Variants in DIP2A observed in about 807,000 individuals in gnomAD.
The protein encoded by DIP2A is DIP2 acetate--CoA ligase A, also known as disco-interacting protein 2 homolog A.
In DIP2A, 85 loss-of-function variants were observed where a neutral mutation model predicts 177.4. The observed-to-expected ratio is 0.48, with a 90% confidence interval of 0.40 to 0.57. The LOEUF is 0.57. Ranked by LOEUF, DIP2A falls within the 20% of genes least tolerant of loss-of-function variation. The pLI, the probability that DIP2A is intolerant of heterozygous loss-of-function variation, is 0.00. For missense variants in DIP2A, 1,791 were observed against 2,100.2 expected (o/e 0.85, Z 2.88); for synonymous variants, 886 against 881.8 (o/e 1.00, Z -0.08).
rs1601837873 is a variant in DIP2A, at chr21:46,557,408, G to T, written c.3630-177G>T. ...GAGCAGAGCTCAGAACCCCGTGCCT[G>T]CCATCCCCCAACCTTCACCCTGTGG... On this transcript the variant is annotated intron_variant, in intron 30 of 37. Transcript: ENST00000417564. The surrounding 1 kb of genome is among the most constrained non-coding windows in gnomAD (Gnocchi z 6.0). 1 of 804,154 alleles carries T rather than the reference G, an allele frequency of 1.2e-6. No homozygotes were observed. The highest frequency in any genetic ancestry group is 2.7e-5 in the East Asian group (1 of 36,968). 49.8% of individuals were successfully genotyped at this position (804,154 alleles called of 1,614,324 possible). A position where few individuals can be genotyped will look rare whatever the true frequency, so the allele number is the denominator to read the frequency against.
intron 2 of DIP2A, among the ~76,000 whole-genome samples, chr21:46,488,917 G>A (rs545463816): frequency 1.1e-4 from 17 of 152,316 alleles, no homozygotes; most frequent in African/African-American, 3.6e-4. Context: ...AAGGAAGTCC[G>A]TCTGTGTATA....
Position 46,537,030 on chromosome 21 carries a change from T to G in DIP2A, c.1643-194T>G, listed in dbSNP as rs566163342. On this transcript the variant is annotated intron_variant, in intron 13 of 37. Transcript: ENST00000417564. This position sits in a 1 kb window ranked among gnomAD's most constrained non-coding sequence, Gnocchi z 4.1. ...TCTCTGTGTTAGTTCCATGACCTTCTACTTTTATGTGTTTCCAGTAATTTG... is the reference window on the plus strand; with the variant it reads ...TCTCTGTGTTAGTTCCATGACCTTCGACTTTTATGTGTTTCCAGTAATTTG... Among the ~76,000 whole-genome samples, 2 of 152,360 alleles carry G rather than the reference T, an allele frequency of 1.3e-5. No homozygotes were observed. The highest frequency in any genetic ancestry group is 3.9e-4 in the East Asian group (2 of 5,192).
chr21:46,556,927 TTTACTC>T lies in DIP2A; in HGVS notation c.3499-8_3499-3del. 1 of 1,532,494 alleles carries T rather than the reference TTTACTC, an allele frequency of 6.5e-7. No individual in the cohort carries two copies. Among genetic ancestry groups the T allele is most frequent in the Non-Finnish European group, 8.8e-7 (1 of 1,135,280 alleles). 94.9% of individuals were successfully genotyped at this position (1,532,494 alleles called of 1,614,324 possible). Reference sequence around the variant, plus strand: ...TTCACTTTTTTTTTTTGAACTTTATTTTACTCTTAAGATGTCGCACGCGGCCACAAG... The same window carrying T: ...TTCACTTTTTTTTTTTGAACTTTATTTTAAGATGTCGCACGCGGCCACAAG... On this transcript the variant is annotated splice_region_variant and splice_polypyrimidine_tract_variant and intron_variant, in intron 29 of 37. Coordinates refer to ENST00000417564, the MANE Select transcript of DIP2A (RefSeq NM_015151.4). This position sits in a 1 kb window ranked among gnomAD's most constrained non-coding sequence, Gnocchi z 4.5.
downstream of DIP2A, among the ~76,000 whole-genome samples, chr21:46,570,665 T>C (rs1283624042): frequency 6.6e-6 from 1 of 152,250 alleles, no homozygotes; most frequent in African/African-American, 2.4e-5. Context: ...AAAGTGGTTC[T>C]ACTGGAATGA....
intron 1 of DIP2A, among the ~76,000 whole-genome samples, chr21:46,459,510 C>A (rs1190212919): frequency 2.4e-5 from 3 of 122,972 alleles, no homozygotes; most frequent in Non-Finnish European, 5.4e-5. Flanking sequence ...CGGCCCCTTA[C>A]CCCCGGGAAC....
rs989675967 is a variant in DIP2A, at chr21:46,459,094, C to G, written c.-38C>G. 4.2e-6 allele frequency: 6 copies of G among 1,423,502 alleles called. No individual in the cohort carries two copies. In the South Asian group the frequency reaches 7.4e-5, roughly 18 times the overall value. The allele number at this position is 1,423,502 out of a possible 1,614,324, so 88.2% of individuals were successfully genotyped here. On this transcript the variant is annotated 5_prime_UTR_variant, in exon 1 of 38. Coordinates refer to ENST00000417564, the MANE Select transcript of DIP2A (RefSeq NM_015151.4). ...TGCGCTGCCGCCGCCAGGCCCGGTC[C>G]GGTTCCAGCCTCTGCCCGGACGCTA... is the stretch of plus-strand genomic sequence containing the variant.
Position 46,563,923 on chromosome 21 carries a change from C to T in DIP2A, c.4155C>T (p.His1385=), listed in dbSNP as rs751313028. ...CCAAAGGACCCTTGGGAGACTCACA[C>T]CTGGGAGAGGTGAGCAGGGGCCCAT... ...TETKGPLGDS[H]LGEIWVSSPH... Residue 1385 remains histidine (H), a synonymous_variant, in exon 35 of 38, where the codon CAC becomes CAT. Transcript: ENST00000417564. This position sits in a 1 kb window ranked among gnomAD's most constrained non-coding sequence, Gnocchi z 4.3. 6.2e-7 allele frequency: 1 copy of T among 1,613,528 alleles called. No homozygotes were observed. The highest frequency in any genetic ancestry group is 8.5e-7 in the Non-Finnish European group (1 of 1,179,788).
chr21:46,471,093 T>C (rs2148323696), intron 1 of DIP2A, among the ~76,000 whole-genome samples: 1 of 152,314 alleles, frequency 6.6e-6, no homozygotes, highest in South Asian at 2.1e-4. Context: ...TGGAGTGCAG[T>C]AGCACTATCA....
In DIP2A at chr21:46,551,619, T is replaced by G; in HGVS notation, c.2840-15T>G. ...GAAGTCACCAGCTTTTCATTCAGAG[T>G]TCCCCCGTTTCTAGAGGTTGGACCA... On this transcript the variant is annotated splice_polypyrimidine_tract_variant and intron_variant, in intron 23 of 37. Coordinates refer to ENST00000417564, the MANE Select transcript of DIP2A (RefSeq NM_015151.4). The G allele has an allele frequency of 6.2e-7, 1 of 1,609,400 alleles. No individual in the cohort carries two copies. Among genetic ancestry groups the G allele is most frequent in the Non-Finnish European group, 8.5e-7 (1 of 1,176,402 alleles).
intron 5 of DIP2A, among the ~76,000 whole-genome samples, chr21:46,501,476 G>C (rs1427222444): frequency 6.6e-6 from 1 of 151,916 alleles, no homozygotes; most frequent in East Asian, 1.9e-4. Context: ...CTGGAGTACA[G>C]TGGCATGATC....
At chr21:46,581,484 C>A in the DIP2A span, among the ~76,000 whole-genome samples, 2 of 152,140 alleles carry the variant, frequency 1.3e-5, no homozygotes, top group African/African-American at 2.4e-5. Flanking sequence ...AGTTCTGTGC[C>A]CTTGCTGGAG....
chr21:46,545,819 G>T, intron 19 of DIP2A, 62 bp from the exon 20 acceptor site: 2 of 1,585,444 alleles, frequency 1.3e-6, no homozygotes, highest in Non-Finnish European at 1.7e-6. Flanking sequence ...CGCCTGCTGG[G>T]TCTTTTTGGC....
chr21:46,545,049 T>A, intron 18 of DIP2A, 88 bp from the exon 19 acceptor site: 1 of 1,354,376 alleles, frequency 7.4e-7, no homozygotes, highest in South Asian at 1.5e-5. Flanking sequence ...CCTGTTTCCA[T>A]AACCGCACAT....
chr21:46,570,154 A>G (rs2060941196), downstream of DIP2A, among the ~76,000 whole-genome samples: 2 of 152,226 alleles, frequency 1.3e-5, no homozygotes, highest in Non-Finnish European at 2.9e-5. Flanking sequence ...TTACACTGCC[A>G]TGATTACAAT....
Position 46,459,054 on chromosome 21 carries a change from T to C in DIP2A, c.-78T>C. The C allele has an allele frequency of 8.2e-7, 1 of 1,223,280 alleles. No individual in the cohort carries two copies. The highest frequency in any genetic ancestry group is 1.1e-6 in the Non-Finnish European group (1 of 929,876). 75.8% of individuals were successfully genotyped at this position (1,223,280 alleles called of 1,614,324 possible). On this transcript the variant is annotated 5_prime_UTR_variant, in exon 1 of 38. Transcript: ENST00000417564. Reference sequence around the variant, plus strand: ...TGTAGGTTGTTGGCCTGAGGGGAGCTACGTAGCCGAGGTTTGCGCTGCCGC... The same window carrying C: ...TGTAGGTTGTTGGCCTGAGGGGAGCCACGTAGCCGAGGTTTGCGCTGCCGC...
intron 19 of DIP2A, among the ~76,000 whole-genome samples, 181 bp from the exon 20 acceptor site, chr21:46,545,700 G>A (rs2060002345): frequency 6.6e-6 from 1 of 152,232 alleles, no homozygotes; most frequent in South Asian, 2.1e-4. Flanking sequence ...TGCCTCAGGA[G>A]GCCTGCCCAG....
chr21:46,524,136 G>T (rs2058957156), intron 8 of DIP2A, among the ~76,000 whole-genome samples: 1 of 152,192 alleles, frequency 6.6e-6, no homozygotes, highest in African/African-American at 2.4e-5. Context: ...GCCTAACCTT[G>T]TCACCCAAAG....
the DIP2A span, among the ~76,000 whole-genome samples, chr21:46,580,317 T>C: frequency 2.0e-5 from 3 of 152,224 alleles, no homozygotes; most frequent in Non-Finnish European, 2.9e-5. Context: ...CCTCCACTTC[T>C]TTATTTTGAG....
chr21:46,465,987 G>A (rs1025771627), intron 1 of DIP2A, among the ~76,000 whole-genome samples: 1 of 152,124 alleles, frequency 6.6e-6, no homozygotes, highest in Non-Finnish European at 1.5e-5. Context: ...AAATAAATGA[G>A]AGGAAATAAC....
Sources: gnomAD v4.1 joint callset for allele counts (sites outside exome capture counted in the v4.1 genomes callset) on GRCh38, gnomAD v4.1.1 for gene constraint, Gnocchi (gnomAD v3.1) non-coding constraint, MANE v1.5 for transcripts, NCBI Gene and HGNC (gene_info 2026-07-23, HGNC 2026-07-21) for gene names.